The following EHMT1 variants were observed in gnomAD, a reference collection of about 807,000 sequenced individuals.
EHMT1 encodes euchromatic histone lysine methyltransferase 1.
In EHMT1, 15 loss-of-function variants were observed where a neutral mutation model predicts 147.2. The observed-to-expected ratio is 0.10, with a 90% confidence interval of 0.07 to 0.16. The LOEUF (loss-of-function observed/expected upper bound fraction) is 0.16. EHMT1 is among the 10% of genes least tolerant of loss of function. The pLI is 1.00. For missense variants in EHMT1, 1,587 were observed against 1,772.4 expected, an observed-to-expected ratio of 0.90 and a Z score of 1.88; for synonymous variants, 795 against 709.6, an observed-to-expected ratio of 1.12 and a Z score of -1.91.
rs1478595372 is a variant in EHMT1, at chr9:137,732,463, G to T, written c.823+3934G>T. Among the ~76,000 whole-genome samples, 1 of 152,232 alleles carries T rather than the reference G, an allele frequency of 6.6e-6. No homozygotes were observed. On this transcript the variant is annotated intron_variant, in intron 4 of 26. Coordinates refer to ENST00000460843, the MANE Select transcript of EHMT1 (RefSeq NM_024757.5). The surrounding 1 kb of genome is among the most constrained non-coding windows in gnomAD (Gnocchi z 4.6). ...TTGAGCAGCAGAACAGCTCTCAGCGGAGAGGAGACCCAAAGTCAGTAGCTC... is the reference window on the plus strand; with the variant it reads ...TTGAGCAGCAGAACAGCTCTCAGCGTAGAGGAGACCCAAAGTCAGTAGCTC...
At chr9:137,724,633 G>A (rs1946410456) in intron 3 of EHMT1, among the ~76,000 whole-genome samples, 1 of 152,198 alleles carries the variant, frequency 6.6e-6, no homozygotes, top group Non-Finnish European at 1.5e-5. Context: ...TATGTACTTT[G>A]AAAGCGCATT....
chr9:137,757,279 C>T (rs1331371733), intron 8 of EHMT1, among the ~76,000 whole-genome samples: 2 of 152,248 alleles, frequency 1.3e-5, no homozygotes, highest in Non-Finnish European at 2.9e-5. Flanking sequence ...GTCCTTCTCA[C>T]AGCACCCTGC....
intron 9 of EHMT1, among the ~76,000 whole-genome samples, chr9:137,761,263 T>TG (rs1054323822): frequency 1.6e-4 from 24 of 152,318 alleles, no homozygotes; most frequent in Non-Finnish European, 2.8e-4. Context: ...TGCTTCTGAA[T>TG]GGTAGAGCTT....
intron 8 of EHMT1, 121 bp from the exon 9 acceptor site, chr9:137,757,759 T>A: frequency 6.9e-7 from 1 of 1,458,664 alleles, no homozygotes. Flanking sequence ...AACTTGTGGT[T>A]TTGAATGGAT....
At chr9:137,688,079 A>G (rs1564589213) in intron 1 of EHMT1, among the ~76,000 whole-genome samples, 1 of 152,178 alleles carries the variant, frequency 6.6e-6, no homozygotes, top group Non-Finnish European at 1.5e-5. Flanking sequence ...GCTGGAGTGC[A>G]GTGGCACAAT....
At chr9:137,699,058 C>A (rs1159781043) in intron 1 of EHMT1, among the ~76,000 whole-genome samples, 1 of 152,198 alleles carries the variant, frequency 6.6e-6, no homozygotes, top group East Asian at 1.9e-4. Context: ...GGTGCCTCAT[C>A]TCTTAGGTGG....
chr9:137,712,766 C>G (rs1165279476), intron 2 of EHMT1, among the ~76,000 whole-genome samples: 1 of 152,072 alleles, frequency 6.6e-6, no homozygotes, highest in African/African-American at 2.4e-5. Context: ...TAAATGTTTT[C>G]AATTTTGATG....
At chr9:137,676,228 T>A (rs951701240) in intron 1 of EHMT1, 5 of 147,132 alleles carry the variant, frequency 3.4e-5, no homozygotes, top group African/African-American at 1.0e-4. Flanking sequence ...CCATTACGCC[T>A]GACTAATTTT....
chr9:137,794,778 A>G (rs1187751508), intron 16 of EHMT1, among the ~76,000 whole-genome samples: 2 of 152,176 alleles, frequency 1.3e-5, no homozygotes, highest in Non-Finnish European at 2.9e-5. Context: ...AAGCAAAGCC[A>G]AAAAAATGTG....
chr9:137,687,871 G>A (rs981175449), intron 1 of EHMT1, among the ~76,000 whole-genome samples: 5 of 152,240 alleles, frequency 3.3e-5, no homozygotes, highest in African/African-American at 9.6e-5. Context: ...GCACGTCATC[G>A]TGTCACCGTC....
intron 1 of EHMT1, among the ~76,000 whole-genome samples, chr9:137,652,812 G>A (rs932604649): frequency 6.6e-6 from 1 of 150,572 alleles, no homozygotes; most frequent in East Asian, 1.9e-4. Flanking sequence ...CGCAACCTCC[G>A]CCTCCCAGGT....
chr9:137,726,090 G>GTC (rs990043771), intron 3 of EHMT1, among the ~76,000 whole-genome samples: 23 of 124,108 alleles, frequency 1.9e-4, no homozygotes, highest in Admixed American at 1.5e-3. Context: ...GCCTTGTCGT[G>GTC]TGTGTGTGTG....
intron 1 of EHMT1, among the ~76,000 whole-genome samples, chr9:137,634,678 TTTTTCTTTC>T (rs1331053015): frequency 6.6e-6 from 1 of 151,328 alleles, no homozygotes; most frequent in East Asian, 1.9e-4. Flanking sequence ...GCTTGCTTGC[TTTTTCTTTC>T]TTTTCTTTCT....
At position 137,835,275 on chromosome 9, in the gene EHMT1, C is replaced by G. The variant is rs1334902140; in HGVS notation, c.*322C>G. The G allele has an allele frequency of 7.7e-6, 2 of 259,668 alleles. No individual in the cohort carries two copies. Among genetic ancestry groups the G allele is most frequent in the African/African-American group, 2.3e-5 (1 of 44,246 alleles). 16.1% of individuals were successfully genotyped at this position (259,668 alleles called of 1,614,324 possible). A position where few individuals can be genotyped will look rare whatever the true frequency, so the allele number is the denominator to read the frequency against. On this transcript the variant is annotated 3_prime_UTR_variant, in exon 27 of 27. Coordinates refer to ENST00000460843, the MANE Select transcript of EHMT1 (RefSeq NM_024757.5). Reference sequence around the variant, plus strand: ...GCTGATTTGTCGTTGCGAAGTTTCTCGTTTCTTCCTCTGACCTCCGAGGTC... The same window carrying G: ...GCTGATTTGTCGTTGCGAAGTTTCTGGTTTCTTCCTCTGACCTCCGAGGTC...
rs557558005 is a variant in EHMT1 at position 137,782,615 on chromosome 9, C to T, written c.2382+218C>T. Among the ~76,000 whole-genome samples, 3 of 152,124 alleles carry T rather than the reference C, an allele frequency of 2.0e-5. No homozygotes were observed. Among genetic ancestry groups the T allele is most frequent in the Non-Finnish European group, 2.9e-5 (2 of 68,026 alleles). On this transcript the variant is annotated intron_variant, in intron 15 of 26. Coordinates refer to ENST00000460843, the MANE Select transcript of EHMT1 (RefSeq NM_024757.5). The surrounding 1 kb of genome is among the most constrained non-coding windows in gnomAD (Gnocchi z 5.7). ...ACCACGGCCTTTGAGAAGAGCATGC[C>T]GCCATTTGGCTGTTTCTTGATTTGC...
chr9:137,749,385 C>A (rs1948797984), intron 6 of EHMT1, among the ~76,000 whole-genome samples: 1 of 152,184 alleles, frequency 6.6e-6, no homozygotes, highest in Admixed American at 6.5e-5. Flanking sequence ...GATCCTCCCA[C>A]CTCAGCCTCC....
At chr9:137,645,319 A>G (rs1280458637) in intron 1 of EHMT1, among the ~76,000 whole-genome samples, 2 of 152,232 alleles carry the variant, frequency 1.3e-5, no homozygotes, top group Non-Finnish European at 2.9e-5. Context: ...TTTGTGGCCC[A>G]GGGTGAATAT....
chr9:137,676,786 C>T lies in EHMT1; in HGVS notation c.22-34181C>T, dbSNP rs115848319. On this transcript the variant is annotated intron_variant, in intron 1 of 26. Coordinates refer to ENST00000460843, the MANE Select transcript of EHMT1 (RefSeq NM_024757.5). ...GGTGGGGTCACGGAATTCCGCCTTCCGCAGGGGAGGAGCTTCTCTTTTCAG... is the reference window on the plus strand; with the variant it reads ...GGTGGGGTCACGGAATTCCGCCTTCTGCAGGGGAGGAGCTTCTCTTTTCAG... 5.5e-3 allele frequency among the ~76,000 whole-genome samples: 841 copies of T among 152,280 alleles called. 10 individuals carry two copies. The highest frequency in any genetic ancestry group is 0.019 in the African/African-American group (780 of 41,566).
intron 3 of EHMT1, among the ~76,000 whole-genome samples, chr9:137,726,957 C>T (rs185719690): frequency 9.2e-5 from 14 of 152,262 alleles, no homozygotes; most frequent in African/African-American, 1.9e-4. Context: ...ATTTGTATGT[C>T]TTCCTTGAAG....
Sources: allele counts gnomAD v4.1 joint callset (sites outside exome capture counted in the v4.1 genomes callset), GRCh38; gene constraint gnomAD v4.1.1; non-coding constraint Gnocchi (gnomAD v3.1); transcripts MANE v1.5; gene names NCBI Gene and HGNC (gene_info 2026-07-23, HGNC 2026-07-21).